The following EP400 variants were observed in gnomAD, a reference collection of about 807,000 sequenced individuals.
The protein encoded by EP400 is E1A binding protein p400, also known as E1A-binding protein p400.
Under a neutral mutation model 354.1 loss-of-function variants are expected in EP400, and 105 were observed. The observed-to-expected ratio is 0.30, with a 90% CI of 0.25 to 0.35. The LOEUF is 0.35. Ranked by LOEUF, EP400 falls within the 10% of genes least tolerant of loss-of-function variation. The pLI, the probability that EP400 is intolerant of heterozygous loss-of-function variation, is 1.00. For synonymous variants in EP400, 1,646 were observed against 1,716.9 expected (o/e 0.96, Z 1.02); for missense variants, 3,280 against 4,121.0 (o/e 0.80, Z 5.59).
intron 15 of EP400, among the ~76,000 whole-genome samples, chr12:132,009,904 GCCTCAAAAGATCCTCCTGC>G (rs1457198308): frequency 7.0e-6 from 1 of 142,614 alleles, no homozygotes; most frequent in African/African-American, 2.7e-5. Flanking sequence ...CGAACTCCTG[GCCTCAAAAGATCCTCCTGC>G]CTTGGCTTCC....
intron 47 of EP400, among the ~76,000 whole-genome samples, chr12:132,063,336 A>G (rs1895769641): frequency 6.6e-6 from 1 of 152,206 alleles, no homozygotes; most frequent in Non-Finnish European, 1.5e-5. Context: ...AACATGGCAA[A>G]TCCCCGTCTC....
Position 132,006,730 on chromosome 12 carries a change from G to A in EP400, c.3157G>A (p.Gly1053Arg), listed in dbSNP as rs868024638. The change falls in exon 15 of 53, where the codon GGG becomes AGG. Residue 1053 changes from glycine (G) to arginine (R), a missense_variant. By Grantham distance (125) the Gly-to-Arg change is moderately radical. Around this residue, in one of 20 missense-constraint regions of EP400, gnomAD observed 800 missense variants for 840.0 expected, o/e 0.95. Transcript: ENST00000389561. ...VKFNAPSLLY[G>R]ALRDYQKIGL... ...GTTTAATGCTCCATCTTTGTTGTAT[G>A]GGGCTCTCAGAGATTATCAGAAGAT... 1 of 1,609,846 alleles carries A rather than the reference G, an allele frequency of 6.2e-7. No homozygotes were observed. The highest frequency in any genetic ancestry group is 1.7e-5 in the Admixed American group (1 of 58,820).
intron 30 of EP400, among the ~76,000 whole-genome samples, chr12:132,036,777 T>G (rs1463513231): frequency 6.6e-6 from 1 of 152,130 alleles, no homozygotes; most frequent in African/African-American, 2.4e-5. Context: ...CAAGAAAGAG[T>G]AGATTTTCAT....
intron 16 of EP400, among the ~76,000 whole-genome samples, chr12:132,012,527 C>G (rs1302952263): frequency 6.6e-6 from 1 of 152,224 alleles, no homozygotes; most frequent in African/African-American, 2.4e-5. Context: ...CTTCTTAATA[C>G]TACCACCATG....
chr12:131,990,553 A>G lies in EP400; in HGVS notation c.2551-83A>G. The G allele has an allele frequency of 9.7e-7, 1 of 1,027,282 alleles. No homozygotes were observed. The highest frequency in any genetic ancestry group is 1.5e-5 in the South Asian group (1 of 66,280). 63.6% of individuals were successfully genotyped at this position (1,027,282 alleles called of 1,614,324 possible). ...AAAACACTGTTTTCAGACTCTGCTTATGTGCTTTAGTGTTTTGTATGCAGA... is the reference window on the plus strand; with the variant it reads ...AAAACACTGTTTTCAGACTCTGCTTGTGTGCTTTAGTGTTTTGTATGCAGA... On this transcript the variant is annotated intron_variant, in intron 8 of 52. Coordinates refer to ENST00000389561, the MANE Select transcript of EP400 (RefSeq NM_015409.5). This position sits in a 1 kb window ranked among gnomAD's most constrained non-coding sequence, Gnocchi z 4.2.
At chr12:131,997,378 TC>T (rs1380497533) in intron 12 of EP400, among the ~76,000 whole-genome samples, 2 of 151,884 alleles carry the variant, frequency 1.3e-5, no homozygotes, top group East Asian at 3.9e-4. Context: ...AGACGATCCT[TC>T]CACCTCAGGC....
At chr12:131,982,002 A>C in intron 4 of EP400, 91 bp from the exon 5 acceptor site, 1 of 1,457,142 alleles carries the variant, frequency 6.9e-7, no homozygotes. Context: ...TTGGACAAGC[A>C]CTGGGGTGTT....
chr12:131,993,699 A>T (rs1893116537), intron 11 of EP400, among the ~76,000 whole-genome samples: 1 of 152,230 alleles, frequency 6.6e-6, no homozygotes, highest in Non-Finnish European at 1.5e-5. Context: ...CTCCGGCTAC[A>T]AACCTGCACA....
At position 132,044,246 on chromosome 12, in the gene EP400, C is replaced by G; in HGVS notation, c.6520C>G (p.Arg2174Gly). ...NLKTLQEREA[R>G]LRLEQEEAEL... is the part of the protein sequence containing the mutation. ...GAAGACCCTGCAGGAGAGGGAGGCCCGGCTGCGGCTGGAGCAGGAGGAGGC... is the reference window on the plus strand; with the variant it reads ...GAAGACCCTGCAGGAGAGGGAGGCCGGGCTGCGGCTGGAGCAGGAGGAGGC... The change falls in exon 35 of 53, where the codon CGG becomes GGG. Residue 2174 changes from arginine to glycine, a missense_variant. Transcript: ENST00000389561. The G allele has an allele frequency of 6.2e-7, 1 of 1,614,182 alleles. No individual in the cohort carries two copies. The highest frequency in any genetic ancestry group is 2.2e-5 in the East Asian group (1 of 44,888).
chr12:132,045,283 G>T, intron 37 of EP400, 36 bp from the exon 38 acceptor site: 3 of 1,610,802 alleles, frequency 1.9e-6, no homozygotes, highest in African/African-American at 2.7e-5. Context: ...GAATCTCCTG[G>T]TTTACTCTCT....
At chr12:131,989,004 C>T (rs1892949073) in intron 7 of EP400, among the ~76,000 whole-genome samples, 1 of 152,250 alleles carries the variant, frequency 6.6e-6, no homozygotes, top group African/African-American at 2.4e-5. Flanking sequence ...AACCCAGATT[C>T]TTCCTTAAAC....
At position 131,990,705 on chromosome 12, in the gene EP400, T is replaced by G. The variant is rs1445554488; in HGVS notation, c.2620T>G (p.Ser874Ala). ...GAAGGCCTTAAATTTACAGAAAGTT[T>G]CCAGGAGAGGTAGGACCCTTTAAAA... Reference protein sequence around the residue: ...RKKALNLQKVSRRGKELRPKG... With the variant: ...RKKALNLQKVARRGKELRPKG... The change falls in exon 9 of 53, where the codon TCC becomes GCC. Residue 874 changes from serine to alanine, a missense_variant. Coordinates refer to ENST00000389561, the MANE Select transcript of EP400 (RefSeq NM_015409.5). This position sits in a 1 kb window ranked among gnomAD's most constrained non-coding sequence, Gnocchi z 4.2. 1 of 1,611,596 alleles carries G rather than the reference T, an allele frequency of 6.2e-7. No homozygotes were observed. The highest frequency in any genetic ancestry group is 2.2e-5 in the East Asian group (1 of 44,876).
At chr12:131,975,866 ATT>A (rs1039020064) in intron 2 of EP400, among the ~76,000 whole-genome samples, 1 of 151,944 alleles carries the variant, frequency 6.6e-6, no homozygotes, top group African/African-American at 2.4e-5. Flanking sequence ...TCAATTTAAA[ATT>A]TTTTGTTTGT....
In EP400 at chr12:132,018,178, T is replaced by C. The variant is rs1350251995; in HGVS notation, c.4111-32T>C. The C allele has an allele frequency of 2.5e-6, 4 of 1,604,970 alleles. No homozygotes were observed. The highest frequency in any genetic ancestry group is 3.5e-5 in the Admixed American group (2 of 57,090). On this transcript the variant is annotated intron_variant, in intron 20 of 52. Coordinates refer to ENST00000389561, the MANE Select transcript of EP400 (RefSeq NM_015409.5). This position sits in a 1 kb window ranked among gnomAD's most constrained non-coding sequence, Gnocchi z 4.0. ...CTTAGGTGCTTTTTTTGCCTCTTCA[T>C]GCAGCAAGACTTTTTTTCTTTTTCT...
At position 132,052,662 on chromosome 12, in the gene EP400, G is replaced by A. The variant is rs1321233693; in HGVS notation, c.7395-484G>A. ...GACCCATCATTTGATTGATGTTGTC[G>A]ATTAAATGAAGAGTTAATTCACCCT... On this transcript the variant is annotated intron_variant, in intron 41 of 52. Transcript: ENST00000389561. The surrounding 1 kb of genome is among the most constrained non-coding windows in gnomAD (Gnocchi z 4.4). Among the ~76,000 whole-genome samples the A allele has an allele frequency of 3.3e-5, 5 of 152,138 alleles. No individual in the cohort carries two copies. The highest frequency in any genetic ancestry group is 7.2e-5 in the African/African-American group (3 of 41,432).
chr12:132,077,600 G>T lies in EP400; in HGVS notation c.9299G>T (p.Ser3100Ile), dbSNP rs555294601. 5.3e-5 allele frequency: 85 copies of T among 1,613,968 alleles called. 2 individuals carry two copies. In the South Asian group the frequency reaches 8.7e-4, roughly 16 times the overall value. Reference sequence around the variant, plus strand: ...GTGCCCGCCAGCTCCGACAGCCCAAGCCAGCAGCCCAAGTTACAGATGAGG... The same window carrying T: ...GTGCCCGCCAGCTCCGACAGCCCAATCCAGCAGCCCAAGTTACAGATGAGG... ...AQVPASSDSP[S>I]QQPKLQMRVP... The change falls in exon 53 of 53, where the codon AGC becomes ATC. Residue 3100 changes from serine (S) to isoleucine (I), a missense_variant. This residue lies in a region of EP400 where 279 missense variants were observed against 386.7 expected (regional missense o/e 0.72). Coordinates refer to ENST00000389561, the MANE Select transcript of EP400 (RefSeq NM_015409.5).
chr12:132,024,824 C>A (rs1366912465), intron 24 of EP400, among the ~76,000 whole-genome samples: 1 of 151,712 alleles, frequency 6.6e-6, no homozygotes, highest in African/African-American at 2.4e-5. Context: ...CACAGCAGCC[C>A]CGGTGGCACC....
chr12:132,056,425 G>GCACACACA (rs10660680), intron 45 of EP400, among the ~76,000 whole-genome samples: 5 of 148,516 alleles, frequency 3.4e-5, no homozygotes, highest in East Asian at 2.0e-4. Flanking sequence ...CACAACACAC[G>GCACACACA]CACACACACA....
At chr12:131,957,470 G>GTT (rs1275385232) in intron 1 of EP400, among the ~76,000 whole-genome samples, 1 of 122,426 alleles carries the variant, frequency 8.2e-6, no homozygotes, top group Admixed American at 7.8e-5. Flanking sequence ...TAATGTTTTG[G>GTT]TTTTTTTTTT....
Sources: gnomAD v4.1 joint callset for allele counts (sites outside exome capture counted in the v4.1 genomes callset) on GRCh38, gnomAD v4.1.1 for gene constraint, gnomAD v4.1.1 regional missense constraint, Gnocchi (gnomAD v3.1) non-coding constraint, MANE v1.5 for transcripts, NCBI Gene and HGNC (gene_info 2026-07-23, HGNC 2026-07-21) for gene names.